The following NPAS3 variants were observed in gnomAD, a reference collection of about 807,000 sequenced individuals.
NPAS3 encodes the protein neuronal PAS domain-containing protein 3.
A neutral mutation model predicts 73.1 loss-of-function variants in NPAS3; 14 were observed. That is an observed-to-expected ratio of 0.19 (90% CI 0.13 to 0.30). The LOEUF (loss-of-function observed/expected upper bound fraction) is 0.30, where lower values mean the gene tolerates loss of function less well. NPAS3 is among the 10% of genes least tolerant of loss of function. The pLI is 1.00. For missense variants in NPAS3, 1,096 were observed against 1,250.0 expected (o/e 0.88, Z 1.86); for synonymous variants, 620 against 541.5 (o/e 1.14, Z -2.01).
At chr14:33,011,831 G>A (rs1035148543) in intron 1 of NPAS3, among the ~76,000 whole-genome samples, 1 of 152,156 alleles carries the variant, frequency 6.6e-6, no homozygotes, top group African/African-American at 2.4e-5. Context: ...TGAGAATTGA[G>A]ATGGGCTGCC....
intron 5 of NPAS3, among the ~76,000 whole-genome samples, chr14:33,656,793 C>A (rs1046173779): frequency 6.6e-6 from 1 of 152,168 alleles, no homozygotes; most frequent in African/African-American, 2.4e-5. Context: ...CCATGCTGTA[C>A]ATTAGATCTC....
intron 7 of NPAS3, among the ~76,000 whole-genome samples, chr14:33,753,140 A>G: frequency 6.6e-6 from 1 of 152,130 alleles, no homozygotes; most frequent in East Asian, 1.9e-4. Flanking sequence ...ATTCAAAGAG[A>G]AAGTGGAAAG....
chr14:33,340,734 G>A (rs1433136467), intron 3 of NPAS3, among the ~76,000 whole-genome samples: 1 of 152,114 alleles, frequency 6.6e-6, no homozygotes, highest in African/African-American at 2.4e-5. Context: ...ACATGCTAAT[G>A]GGTTGTTTCT....
At chr14:33,049,059 G>T (rs1210244452) in intron 1 of NPAS3, among the ~76,000 whole-genome samples, 1 of 152,186 alleles carries the variant, frequency 6.6e-6, no homozygotes, top group South Asian at 2.1e-4. Flanking sequence ...ATCTACTGAA[G>T]TTATAATTTC....
intron 6 of NPAS3, chr14:33,680,653 C>G (rs1261506201): frequency 1.4e-6 from 1 of 702,538 alleles, no homozygotes; most frequent in Non-Finnish European, 2.6e-6. Context: ...GGACCCCTGT[C>G]AGGAAGAACA....
At chr14:33,097,315 A>G (rs2138860921) in intron 2 of NPAS3, among the ~76,000 whole-genome samples, 1 of 152,340 alleles carries the variant, frequency 6.6e-6, no homozygotes, top group Middle Eastern at 3.4e-3. Flanking sequence ...TATCATATGT[A>G]ATCATTTATG....
intron 5 of NPAS3, among the ~76,000 whole-genome samples, chr14:33,566,577 T>C (rs1473507076): frequency 6.6e-6 from 1 of 152,142 alleles, no homozygotes; most frequent in Non-Finnish European, 1.5e-5. Flanking sequence ...TGCCTTTTAG[T>C]TCATAGTTCT....
At chr14:33,234,233 G>A (rs1340041333) in intron 3 of NPAS3, among the ~76,000 whole-genome samples, 2 of 151,980 alleles carry the variant, frequency 1.3e-5, no homozygotes, top group Admixed American at 6.6e-5. Context: ...CTTCAGGTAA[G>A]TGTGTATAAT....
chr14:33,248,878 G>A (rs1228736051), intron 3 of NPAS3, among the ~76,000 whole-genome samples: 1 of 152,190 alleles, frequency 6.6e-6, no homozygotes, highest in Non-Finnish European at 1.5e-5. Flanking sequence ...GAGCACAGTA[G>A]ATGACTTTTG....
At chr14:33,136,083 CAG>C (rs1203374199) in intron 2 of NPAS3, among the ~76,000 whole-genome samples, 1 of 127,506 alleles carries the variant, frequency 7.8e-6, no homozygotes, top group Non-Finnish European at 1.6e-5. Flanking sequence ...TTTTTTGAGA[CAG>C]AGTCTCGCTC....
At chr14:33,441,343 A>G (rs1405240997) in intron 4 of NPAS3, among the ~76,000 whole-genome samples, 3 of 152,240 alleles carry the variant, frequency 2.0e-5, no homozygotes, top group East Asian at 1.9e-4. Flanking sequence ...GTTTTAGTCA[A>G]TAATCCATGT....
At chr14:33,442,768 T>C (rs10150063) in intron 4 of NPAS3, among the ~76,000 whole-genome samples, 29,206 of 152,130 alleles carry the variant, frequency 0.19, 3,271 homozygotes, top group East Asian at 0.53. Flanking sequence ...CAGTCTCAGG[T>C]ATGTCCTTAT....
chr14:33,152,399 G>A (rs2044480919), intron 2 of NPAS3, among the ~76,000 whole-genome samples: 1 of 152,064 alleles, frequency 6.6e-6, no homozygotes, highest in African/African-American at 2.4e-5. Flanking sequence ...CAAGAGTGAT[G>A]TTCTAATGAC....
intron 4 of NPAS3, among the ~76,000 whole-genome samples, chr14:33,546,275 G>A (rs1251518562): frequency 6.6e-6 from 1 of 152,138 alleles, no homozygotes; most frequent in East Asian, 1.9e-4. Flanking sequence ...TCCTGTTGTC[G>A]ATTGACTTAT....
intron 3 of NPAS3, among the ~76,000 whole-genome samples, chr14:33,309,929 G>T (rs942966466): frequency 6.6e-6 from 1 of 152,082 alleles, no homozygotes; most frequent in African/African-American, 2.4e-5. Context: ...GGTCCCTCTA[G>T]CACCCATACT....
intron 3 of NPAS3, among the ~76,000 whole-genome samples, chr14:33,290,505 G>A (rs899500487): frequency 6.6e-5 from 10 of 152,172 alleles, no homozygotes; most frequent in African/African-American, 9.7e-5. Context: ...GTGAATAAAT[G>A]GACATGTGCT....
chr14:33,433,157 G>A (rs1330290490), intron 4 of NPAS3, among the ~76,000 whole-genome samples: 1 of 152,108 alleles, frequency 6.6e-6, no homozygotes, highest in Non-Finnish European at 1.5e-5. Flanking sequence ...AATGAGGCAG[G>A]AACAAATAAA....
chr14:33,175,230 C>T (rs1311325081), intron 2 of NPAS3, among the ~76,000 whole-genome samples: 9 of 152,018 alleles, frequency 5.9e-5, no homozygotes, highest in Admixed American at 5.9e-4. Flanking sequence ...ATGTTTTTGA[C>T]AAAGTTTTTG....
intron 4 of NPAS3, among the ~76,000 whole-genome samples, chr14:33,449,101 T>C (rs1005348180): frequency 6.6e-6 from 1 of 152,112 alleles, no homozygotes; most frequent in Non-Finnish European, 1.5e-5. Flanking sequence ...AGGGAGCAGG[T>C]AGAGGTGACA....
Sources: allele counts gnomAD v4.1 joint callset (sites outside exome capture counted in the v4.1 genomes callset), GRCh38; gene constraint gnomAD v4.1.1; transcripts MANE v1.5; gene names NCBI Gene and HGNC (gene_info 2026-07-23, HGNC 2026-07-21).